Variants in PPARD observed in about 807,000 individuals in gnomAD.
PPARD encodes the protein peroxisome proliferator-activated receptor delta.
In PPARD, 6 loss-of-function variants were observed where a neutral mutation model predicts 39.5. That is an observed-to-expected ratio of 0.15 (90% CI 0.08 to 0.30). PPARD has a LOEUF of 0.30. Among genes scored for constraint, PPARD ranks in the 10% least tolerant of loss-of-function variants. The pLI is 1.00. For synonymous variants in PPARD, 210 were observed against 231.3 expected (o/e 0.91, Z 0.83); for missense variants, 397 against 596.8 (o/e 0.67, Z 3.49).
intron 2 of PPARD, among the ~76,000 whole-genome samples, chr6:35,361,546 T>C (rs1173571473): frequency 6.6e-6 from 1 of 152,188 alleles, no homozygotes; most frequent in Non-Finnish European, 1.5e-5. Flanking sequence ...ATTTTTGTCG[T>C]CCTCTTCATC....
chr6:35,343,611 T>G (rs1180722698), intron 1 of PPARD, among the ~76,000 whole-genome samples: 1 of 152,198 alleles, frequency 6.6e-6, no homozygotes, highest in African/African-American at 2.4e-5. Context: ...TGTGGGAGAA[T>G]GTACGTGGGT....
chr6:35,395,042 C>A (rs1764237185), intron 2 of PPARD, among the ~76,000 whole-genome samples: 1 of 152,062 alleles, frequency 6.6e-6, no homozygotes, highest in Non-Finnish European at 1.5e-5. Flanking sequence ...TATAACTCAG[C>A]ACTAATGCTC....
chr6:35,399,135 G>A (rs1444146439), intron 2 of PPARD, among the ~76,000 whole-genome samples: 1 of 152,044 alleles, frequency 6.6e-6, no homozygotes, highest in Non-Finnish European at 1.5e-5. Context: ...GGGCGTAGTG[G>A]CTCATGCCTG....
chr6:35,391,314 A>G (rs1020431476), intron 2 of PPARD, among the ~76,000 whole-genome samples: 14 of 152,250 alleles, frequency 9.2e-5, no homozygotes, highest in Non-Finnish European at 2.1e-4. Flanking sequence ...GAATTTCTGT[A>G]TTTCCTTCAC....
intron 3 of PPARD, among the ~76,000 whole-genome samples, chr6:35,413,892 C>T (rs1765585290): frequency 6.6e-6 from 1 of 152,008 alleles, no homozygotes; most frequent in Non-Finnish European, 1.5e-5. Flanking sequence ...CTGTGTTGGC[C>T]AGGCTAGTCA....
chr6:35,381,945 G>A (rs527240584), intron 2 of PPARD, among the ~76,000 whole-genome samples: 1 of 152,334 alleles, frequency 6.6e-6, no homozygotes, highest in South Asian at 2.1e-4. Flanking sequence ...GGAAGAGGGG[G>A]AGAGTGGAGA....
rs1203479382 is a variant in PPARD at position 35,424,766 on chromosome 6, C to G, written c.1065C>G (p.Ile355Met). 1.9e-6 allele frequency: 3 copies of G among 1,613,920 alleles called. No homozygotes were observed. In the African/African-American group the frequency reaches 4.0e-5, roughly 22 times the overall value. ...DSDLALFIAA[I>M]ILCGDRPGLM... ...ACCTGGCCCTATTCATTGCGGCCATCATTCTGTGTGGAGGTGAGTGAGAGT... is the reference window on the plus strand; with the variant it reads ...ACCTGGCCCTATTCATTGCGGCCATGATTCTGTGTGGAGGTGAGTGAGAGT... Residue 355 changes from isoleucine to methionine, a missense_variant, in exon 7 of 8, where the codon ATC becomes ATG. Physicochemically the swap from Ile to Met is conservative, Grantham distance 10. Coordinates refer to ENST00000360694, the MANE Select transcript of PPARD (RefSeq NM_006238.5). This position sits in a 1 kb window ranked among gnomAD's most constrained non-coding sequence, Gnocchi z 7.1.
chr6:35,389,465 C>T (rs1763883855), intron 2 of PPARD, among the ~76,000 whole-genome samples: 1 of 152,138 alleles, frequency 6.6e-6, no homozygotes, highest in South Asian at 2.1e-4. Context: ...GCGCCTGCCA[C>T]CATGCCCGGC....
rs912861548 is a variant in PPARD at position 35,424,203 on chromosome 6, C to T, written c.627+55C>T. Reference sequence around the variant, plus strand: ...CATCCTGGGCTCTGGGTCCCACTGCCGCCTGCCTGACTCCGGGAGAGCCAG... The same window carrying T: ...CATCCTGGGCTCTGGGTCCCACTGCTGCCTGCCTGACTCCGGGAGAGCCAG... On this transcript the variant is annotated intron_variant, in intron 6 of 7. Coordinates refer to ENST00000360694, the MANE Select transcript of PPARD (RefSeq NM_006238.5). The surrounding 1 kb of genome is among the most constrained non-coding windows in gnomAD (Gnocchi z 7.1). 1.8e-5 allele frequency: 29 copies of T among 1,601,926 alleles called. No homozygotes were observed. The highest frequency in any genetic ancestry group is 8.0e-5 in the African/African-American group (6 of 74,618).
In PPARD at chr6:35,366,982, T is replaced by C. The variant is rs1762238311; in HGVS notation, c.-102+19832T>C. Among the ~76,000 whole-genome samples, 1 of 152,210 alleles carries C rather than the reference T, an allele frequency of 6.6e-6. No individual in the cohort carries two copies. Among genetic ancestry groups the C allele is most frequent in the African/African-American group, 2.4e-5 (1 of 41,448 alleles). ...TGCGTATGGTCATAAAGGTAGTAAG[T>C]TGCAGAGCAGCACTCAGACCTGCCT... is the stretch of plus-strand genomic sequence containing the variant. On this transcript the variant is annotated intron_variant, in intron 2 of 7. Coordinates refer to ENST00000360694, the MANE Select transcript of PPARD (RefSeq NM_006238.5). This position sits in a 1 kb window ranked among gnomAD's most constrained non-coding sequence, Gnocchi z 4.6.
intron 2 of PPARD, among the ~76,000 whole-genome samples, chr6:35,399,977 T>C (rs990343461): frequency 3.9e-5 from 6 of 152,198 alleles, no homozygotes; most frequent in Admixed American, 3.3e-4. Flanking sequence ...AACAGCTCAG[T>C]GTTTTCCTAT....
At position 35,412,065 on chromosome 6, in the gene PPARD, A is replaced by T. The variant is rs1174689296; in HGVS notation, c.130+848A>T. Among the ~76,000 whole-genome samples the T allele has an allele frequency of 6.6e-6, 1 of 152,046 alleles. No homozygotes were observed. Among genetic ancestry groups the T allele is most frequent in the Non-Finnish European group, 1.5e-5 (1 of 68,022 alleles). ...TGCCTCAGCCTCCCGAGTAGCTGGG[A>T]TTATAGGCGTGCACCACCACGCCCG... On this transcript the variant is annotated intron_variant, in intron 3 of 7. Coordinates refer to ENST00000360694, the MANE Select transcript of PPARD (RefSeq NM_006238.5). The surrounding 1 kb of genome is among the most constrained non-coding windows in gnomAD (Gnocchi z 4.1).
chr6:35,384,260 G>C, intron 2 of PPARD, among the ~76,000 whole-genome samples: 1 of 135,198 alleles, frequency 7.4e-6, no homozygotes, highest in African/African-American at 3.1e-5. Flanking sequence ...CAGGGAGGGA[G>C]GTAGGTTCAG....
intron 2 of PPARD, among the ~76,000 whole-genome samples, chr6:35,387,498 C>T (rs1468677679): frequency 6.6e-6 from 1 of 152,140 alleles, no homozygotes; most frequent in Non-Finnish European, 1.5e-5. Context: ...CCCACCCCAG[C>T]CCCAGGGGTG....
At chr6:35,420,427 G>A (rs1766071736) in intron 4 of PPARD, 146 bp downstream of exon 4, 3 of 1,155,476 alleles carry the variant, frequency 2.6e-6, no homozygotes. Context: ...AGGCCCTTGT[G>A]CTCCAGACCT....
At chr6:35,423,199 C>G (rs1203124242) in intron 5 of PPARD, among the ~76,000 whole-genome samples, 1 of 151,760 alleles carries the variant, frequency 6.6e-6, no homozygotes, top group Non-Finnish European at 1.5e-5. Flanking sequence ...CCACTGTACT[C>G]CAGCCTGGAT....
chr6:35,367,828 G>A (rs1762285680), intron 2 of PPARD, among the ~76,000 whole-genome samples: 1 of 152,246 alleles, frequency 6.6e-6, no homozygotes. Flanking sequence ...TGAGGCCTGG[G>A]CTCACGTCCC....
At chr6:35,422,864 AT>A (rs1392137368) in intron 5 of PPARD, among the ~76,000 whole-genome samples, 3 of 152,048 alleles carry the variant, frequency 2.0e-5, no homozygotes, top group African/African-American at 7.2e-5. Context: ...GAGGATTCTT[AT>A]TTAATTGATC....
intron 2 of PPARD, among the ~76,000 whole-genome samples, chr6:35,399,897 T>C (rs934731583): frequency 1.6e-4 from 25 of 152,226 alleles, no homozygotes; most frequent in African/African-American, 6.0e-4. Flanking sequence ...CCTAATATAT[T>C]TAACCATTCC....
Sources: gnomAD v4.1 joint callset for allele counts (sites outside exome capture counted in the v4.1 genomes callset) on GRCh38, gnomAD v4.1.1 for gene constraint, Gnocchi (gnomAD v3.1) non-coding constraint, MANE v1.5 for transcripts, NCBI Gene and HGNC (gene_info 2026-07-23, HGNC 2026-07-21) for gene names.